SPTLC3: variants seen among roughly 807,000 people sequenced by gnomAD.
SPTLC3 encodes the protein serine palmitoyltransferase long chain base subunit 3.
In SPTLC3, 36 loss-of-function variants were observed where a neutral mutation model predicts 59.3. That is an observed-to-expected ratio of 0.61 (90% CI 0.47 to 0.80). SPTLC3 has a LOEUF of 0.80. Ranked by LOEUF, SPTLC3 falls within the 30% of genes least tolerant of loss-of-function variation. The pLI, the probability that SPTLC3 is intolerant of heterozygous loss-of-function variation, is 0.00. For missense variants in SPTLC3, 625 were observed against 685.1 expected (o/e 0.91, Z 0.98); for synonymous variants, 257 against 240.8 (o/e 1.07, Z -0.62).
At chr20:13,127,416 T>C (rs1466455832) in intron 9 of SPTLC3, among the ~76,000 whole-genome samples, 1 of 152,210 alleles carries the variant, frequency 6.6e-6, no homozygotes, top group African/African-American at 2.4e-5. Flanking sequence ...TTTATGGAAG[T>C]AGCAATTTAT....
At chr20:13,017,002 C>T (rs975630755) in intron 1 of SPTLC3, among the ~76,000 whole-genome samples, 1 of 152,026 alleles carries the variant, frequency 6.6e-6, no homozygotes, top group Non-Finnish European at 1.5e-5. Context: ...GTATGGAAAC[C>T]AAGTTTGTTC....
chr20:13,065,426 C>A (rs909567531), intron 2 of SPTLC3, among the ~76,000 whole-genome samples: 7 of 151,450 alleles, frequency 4.6e-5, no homozygotes, highest in African/African-American at 1.7e-4. Flanking sequence ...CCTTCAATAG[C>A]CATCTCTTTC....
rs557522205 is a variant in SPTLC3 at position 13,080,436 on chromosome 20, A to G, written c.607+5939A>G. ...GGCAGGAAAATCGCTTGAACCCGGG[A>G]GTCAGAGGTTGCAGTGAGCCGAGAT... On this transcript the variant is annotated intron_variant, in intron 4 of 11. Coordinates refer to ENST00000399002, the MANE Select transcript of SPTLC3 (RefSeq NM_018327.4). 2.7e-5 allele frequency among the ~76,000 whole-genome samples: 4 copies of G among 145,462 alleles called. No individual in the cohort carries two copies. The East Asian group carries it at 8.2e-4, about 30-fold the overall frequency.
At chr20:13,066,535 C>G (rs1433417059) in intron 2 of SPTLC3, among the ~76,000 whole-genome samples, 1 of 152,152 alleles carries the variant, frequency 6.6e-6, no homozygotes, top group East Asian at 1.9e-4. Flanking sequence ...GGGTGTTAAC[C>G]TTATGACTCC....
At chr20:13,045,337 T>G (rs570655598) in intron 1 of SPTLC3, among the ~76,000 whole-genome samples, 28 of 152,330 alleles carry the variant, frequency 1.8e-4, no homozygotes, top group African/African-American at 6.7e-4. Flanking sequence ...CAAAGTGTAT[T>G]ACAAATAACA....
At chr20:13,149,146 C>T (rs984439128) in intron 9 of SPTLC3, among the ~76,000 whole-genome samples, 1 of 152,180 alleles carries the variant, frequency 6.6e-6, no homozygotes, top group Non-Finnish European at 1.5e-5. Flanking sequence ...CAGAGGGCTA[C>T]ATAAGAGATT....
chr20:13,036,308 C>T (rs1986732931), intron 1 of SPTLC3, among the ~76,000 whole-genome samples: 2 of 151,998 alleles, frequency 1.3e-5, no homozygotes, highest in South Asian at 4.2e-4. Flanking sequence ...TCATCCACCT[C>T]TTTCATCTCT....
rs570398121 is a variant in SPTLC3, at chr20:13,164,998, G to A, written c.*131G>A. The A allele has an allele frequency of 3.0e-6, 2 of 657,230 alleles. No individual in the cohort carries two copies. The highest frequency in any genetic ancestry group is 3.0e-5 in the Admixed American group (1 of 32,866). The allele number at this position is 657,230 out of a possible 1,614,324, so 40.7% of individuals were successfully genotyped here. A position where few individuals can be genotyped will look rare whatever the true frequency, so the allele number is the denominator to read the frequency against. On this transcript the variant is annotated 3_prime_UTR_variant, in exon 12 of 12. Transcript: ENST00000399002. ...GTTCCCAGACCAGCTTGATTGAACT[G>A]AGGGAGACGTTGTTGTTTTTAATGT...
At chr20:13,159,784 C>T (rs6041922) in intron 10 of SPTLC3, among the ~76,000 whole-genome samples, 4,734 of 152,142 alleles carry the variant, frequency 0.031, 98 homozygotes, top group African/African-American at 0.06. Flanking sequence ...TAATACCACA[C>T]ACACACCATC....
At chr20:13,087,608 C>A (rs765146301) in intron 4 of SPTLC3, among the ~76,000 whole-genome samples, 1 of 152,188 alleles carries the variant, frequency 6.6e-6, no homozygotes, top group Non-Finnish European at 1.5e-5. Flanking sequence ...CAAGTACCTA[C>A]TATGTGTCGG....
At chr20:13,130,729 G>C (rs1212925745) in intron 9 of SPTLC3, among the ~76,000 whole-genome samples, 1 of 152,202 alleles carries the variant, frequency 6.6e-6, no homozygotes, top group Non-Finnish European at 1.5e-5. Context: ...CCCAAAAGTG[G>C]AGATTTGATT....
intron 2 of SPTLC3, among the ~76,000 whole-genome samples, chr20:13,064,184 C>T (rs112045404): frequency 2.0e-5 from 3 of 151,028 alleles, no homozygotes; most frequent in Admixed American, 6.6e-5. Flanking sequence ...CATGAGCCAC[C>T]GCACCTGGCC....
intron 9 of SPTLC3, among the ~76,000 whole-genome samples, chr20:13,144,294 C>G (rs1227864323): frequency 6.6e-6 from 1 of 152,168 alleles, no homozygotes; most frequent in Non-Finnish European, 1.5e-5. Context: ...TTATAAGACC[C>G]TTGAAAATAG....
chr20:13,117,595 T>C lies in SPTLC3; in HGVS notation c.1022T>C (p.Ile341Thr), dbSNP rs761700265. The C allele has an allele frequency of 4.0e-5, 64 of 1,613,952 alleles. No homozygotes were observed. The highest frequency in any genetic ancestry group is 1.6e-4 in the Middle Eastern group (1 of 6,078). ...CTCTACATAGATGAAGCTCACAGTA[T>C]TGGGGCCGTGGGCCCAACCGGCCGG... ...AYLYIDEAHS[I>T]GAVGPTGRGV... is the part of the protein sequence containing the mutation. The change falls in exon 8 of 12, where the codon ATT (isoleucine) becomes ACT (threonine). Residue 341 changes from isoleucine (I) to threonine (T), a missense_variant. Ile to Thr is a moderately conservative substitution (Grantham distance 89, BLOSUM62 -1). Transcript: ENST00000399002.
intron 9 of SPTLC3, among the ~76,000 whole-genome samples, chr20:13,150,204 T>C (rs937576664): frequency 2.0e-5 from 3 of 152,216 alleles, no homozygotes; most frequent in African/African-American, 7.2e-5. Context: ...ACAGTTTCAA[T>C]GTATGGGTGA....
intron 1 of SPTLC3, among the ~76,000 whole-genome samples, chr20:13,042,584 T>C (rs552406612): frequency 6.6e-5 from 10 of 152,308 alleles, no homozygotes; most frequent in African/African-American, 2.2e-4. Context: ...TTGCACAGAA[T>C]TTAGCCTCTG....
chr20:13,138,308 C>CAGAA (rs1410641020), intron 9 of SPTLC3, among the ~76,000 whole-genome samples: 35 of 152,270 alleles, frequency 2.3e-4, no homozygotes, highest in African/African-American at 8.4e-4. Context: ...CTGCAGGCAG[C>CAGAA]TTTTCCTCTA....
intron 2 of SPTLC3, among the ~76,000 whole-genome samples, chr20:13,054,590 C>T (rs1857917738): frequency 1.3e-5 from 2 of 152,074 alleles, no homozygotes. Context: ...GGAAGAAGGA[C>T]AAATCAAAGA....
chr20:13,050,447 C>A (rs944997946), intron 2 of SPTLC3: 1 of 152,006 alleles, frequency 6.6e-6, no homozygotes, highest in Non-Finnish European at 1.5e-5. Context: ...GTTAAACAAC[C>A]AAACCTAAGA....
Sources: gnomAD v4.1 joint callset for allele counts (sites outside exome capture counted in the v4.1 genomes callset) on GRCh38, gnomAD v4.1.1 for gene constraint, MANE v1.5 for transcripts, NCBI Gene and HGNC (gene_info 2026-07-23, HGNC 2026-07-21) for gene names.